TRIP12: variants seen among roughly 807,000 people sequenced by gnomAD.
TRIP12 encodes the protein E3 ubiquitin-protein ligase TRIP12.
In TRIP12, 25 loss-of-function variants were observed where a neutral mutation model predicts 244.2. The observed-to-expected ratio is 0.10, with a 90% CI of 0.07 to 0.14. The LOEUF (loss-of-function observed/expected upper bound fraction) is 0.14. Ranked by LOEUF, TRIP12 falls within the 10% of genes least tolerant of loss-of-function variation. TRIP12 has a pLI of 1.00. For synonymous variants in TRIP12, 905 were observed against 873.1 expected (o/e 1.04, Z -0.64); for missense variants, 1,677 against 2,486.4 (o/e 0.67, Z 6.92).
rs140145765 is a variant in TRIP12, at chr2:229,903,496, G to A, written c.-50+18384C>T. ...TAGAAGATGACGTTCCACGGAGCAA[G>A]AAGAGCAAGTAGAAGGCAAGAAAAG... On this transcript the variant is annotated intron_variant, in intron 1 of 41. Transcript: ENST00000675903. Among the ~76,000 whole-genome samples, 588 of 152,108 alleles carry A rather than the reference G, an allele frequency of 3.9e-3. 1 individual carries two copies. The highest frequency in any genetic ancestry group is 0.01 in the Middle Eastern group (3 of 294).
intron 1 of TRIP12, among the ~76,000 whole-genome samples, chr2:229,902,971 C>T (rs2071428311): frequency 6.8e-6 from 1 of 147,202 alleles, no homozygotes; most frequent in Non-Finnish European, 1.5e-5. Flanking sequence ...TGGCTGTGTA[C>T]AAAATACCAT....
At chr2:229,899,958 G>A (rs1049955980) in intron 1 of TRIP12, among the ~76,000 whole-genome samples, 5 of 152,102 alleles carry the variant, frequency 3.3e-5, no homozygotes, top group East Asian at 1.9e-4. Flanking sequence ...TATAGAAGGC[G>A]CTAATAGGTC....
At chr2:229,883,117 G>A (rs945561219) in intron 1 of TRIP12, among the ~76,000 whole-genome samples, 7 of 152,158 alleles carry the variant, frequency 4.6e-5, no homozygotes, top group African/African-American at 9.7e-5. Context: ...AGGGACCCTC[G>A]GAGATGATCA....
intron 27 of TRIP12, 118 bp from the exon 28 acceptor site, chr2:229,792,344 T>C: frequency 1.5e-5 from 15 of 978,516 alleles, no homozygotes; most frequent in Non-Finnish European, 2.2e-5. Context: ...GAGTATCCCT[T>C]ATCTGAAATG....
intron 34 of TRIP12, among the ~76,000 whole-genome samples, chr2:229,779,794 G>A (rs537874383): frequency 6.6e-6 from 1 of 152,290 alleles, no homozygotes; most frequent in South Asian, 2.1e-4. Flanking sequence ...TTCTGAAGGT[G>A]ACTGTGCAGC....
chr2:229,805,774 C>T lies in TRIP12; in HGVS notation c.2606G>A (p.Arg869His). The T allele has an allele frequency of 1.9e-6, 3 of 1,607,670 alleles. No homozygotes were observed. Among genetic ancestry groups the T allele is most frequent in the Non-Finnish European group, 2.6e-6 (3 of 1,175,112 alleles). ...QQINEDTGTA[R>H]AIQRKPNPLA... ...CGGGTTAGGTTTTCTCTGAATGGCA[C>T]GTGCTGTTCCCGTGTCCTCATTGAT... The change falls in exon 18 of 42, where the codon CGT becomes CAT. Residue 869 changes from arginine to histidine, a missense_variant. Arg to His is a conservative substitution (Grantham distance 29). Around this residue, in one of 11 missense-constraint regions of TRIP12, gnomAD observed 572 missense variants for 867.8 expected, o/e 0.66. Transcript: ENST00000675903.
chr2:229,881,217 A>G (rs2064806724), intron 1 of TRIP12, among the ~76,000 whole-genome samples: 1 of 152,392 alleles, frequency 6.6e-6, no homozygotes, highest in East Asian at 1.9e-4. Flanking sequence ...GTTCTTAATC[A>G]AACTGAACTT....
chr2:229,800,560 A>C (rs1346273853), intron 21 of TRIP12, among the ~76,000 whole-genome samples: 2 of 152,254 alleles, frequency 1.3e-5, no homozygotes, highest in Non-Finnish European at 2.9e-5. Flanking sequence ...GAACTTTCAA[A>C]GGATGAAAAA....
chr2:229,887,449 G>T lies in TRIP12; in HGVS notation c.-49-7321C>A, dbSNP rs556618843. Among the ~76,000 whole-genome samples the T allele has an allele frequency of 2.0e-4, 31 of 152,090 alleles. 1 individual carries two copies. The highest frequency in any genetic ancestry group is 1.9e-4 in the Non-Finnish European group (13 of 68,022). ...ATAAGCCTAAACTCTATCATGAAGG[G>T]CCAGAAACAAAAAGTTTTACATTTA... On this transcript the variant is annotated intron_variant, in intron 1 of 41. Transcript: ENST00000675903.
intron 28 of TRIP12, 30 bp from the exon 29 acceptor site, chr2:229,792,095 G>C (rs1259634003): frequency 4.3e-6 from 7 of 1,613,802 alleles, no homozygotes; most frequent in Non-Finnish European, 5.9e-6. Context: ...AGCCATTTAA[G>C]CCAAAGGCCC....
intron 1 of TRIP12, among the ~76,000 whole-genome samples, chr2:229,899,893 A>C (rs1342691320): frequency 2.0e-5 from 3 of 152,216 alleles, no homozygotes; most frequent in Admixed American, 2.0e-4. Context: ...ATGACAAAAC[A>C]ACCCAAATAC....
At chr2:229,881,260 G>A (rs368703998) in intron 1 of TRIP12, among the ~76,000 whole-genome samples, 42 of 152,116 alleles carry the variant, frequency 2.8e-4, no homozygotes, top group African/African-American at 6.0e-4. Context: ...ATAAAATATC[G>A]AAACTCAGAA....
At chr2:229,830,282 T>A (rs2052988380) in intron 7 of TRIP12, among the ~76,000 whole-genome samples, 1 of 152,126 alleles carries the variant, frequency 6.6e-6, no homozygotes. Flanking sequence ...CAGGTTGCAA[T>A]TTTTTGAATT....
intron 1 of TRIP12, among the ~76,000 whole-genome samples, chr2:229,886,907 A>T (rs1576660980): frequency 6.6e-6 from 1 of 152,262 alleles, no homozygotes; most frequent in African/African-American, 2.4e-5. Context: ...GCTTTAAATC[A>T]TTTAATTTTC....
At chr2:229,772,898 C>T (rs1048688044) in intron 38 of TRIP12, among the ~76,000 whole-genome samples, 1 of 152,072 alleles carries the variant, frequency 6.6e-6, no homozygotes, top group African/African-American at 2.4e-5. Flanking sequence ...GGTAGATAGC[C>T]ATTCTGACCT....
intron 39 of TRIP12, among the ~76,000 whole-genome samples, chr2:229,770,277 T>C (rs1157636445): frequency 6.6e-6 from 1 of 152,188 alleles, no homozygotes; most frequent in Non-Finnish European, 1.5e-5. Context: ...CTATTTAATT[T>C]CCATTACTCT....
At chr2:229,856,950 C>T (rs985032641) in intron 4 of TRIP12, among the ~76,000 whole-genome samples, 9 of 152,138 alleles carry the variant, frequency 5.9e-5, no homozygotes, top group African/African-American at 2.2e-4. Context: ...TTCACAATAA[C>T]CTATCATACA....
intron 36 of TRIP12, among the ~76,000 whole-genome samples, chr2:229,777,896 T>C (rs1348653327): frequency 6.6e-6 from 1 of 152,180 alleles, no homozygotes; most frequent in Admixed American, 6.5e-5. Context: ...CGGTGGCTCA[T>C]GCCTGTAATT....
intron 2 of TRIP12, among the ~76,000 whole-genome samples, chr2:229,866,079 G>A (rs928413235): frequency 1.1e-4 from 16 of 152,112 alleles, no homozygotes; most frequent in African/African-American, 3.6e-4. Context: ...AGACCCAACT[G>A]TCCCATGCCC....
Sources: gnomAD v4.1 joint callset for allele counts (sites outside exome capture counted in the v4.1 genomes callset) on GRCh38, gnomAD v4.1.1 for gene constraint, gnomAD v4.1.1 regional missense constraint, MANE v1.5 for transcripts, NCBI Gene and HGNC (gene_info 2026-07-23, HGNC 2026-07-21) for gene names.